The following CPEB3 variants were observed in gnomAD, a reference collection of about 807,000 sequenced individuals.
CPEB3 encodes the protein cytoplasmic polyadenylation element-binding protein 3.
In CPEB3, 20 loss-of-function variants were observed where a neutral mutation model predicts 67.2. The ratio of observed to expected loss-of-function variants is 0.30; its 90% CI spans 0.21 to 0.43. The LOEUF is 0.43. Ranked by LOEUF, CPEB3 falls within the 20% of genes least tolerant of loss-of-function variation. The pLI is 1.00. For synonymous variants in CPEB3, 376 were observed against 393.1 expected, an observed-to-expected ratio of 0.96 and a Z score of 0.51; for missense variants, 746 against 968.6, an observed-to-expected ratio of 0.77 and a Z score of 3.05.
intron 4 of CPEB3, among the ~76,000 whole-genome samples, chr10:92,168,086 G>A (rs1373474905): frequency 6.6e-6 from 1 of 151,998 alleles, no homozygotes; most frequent in Non-Finnish European, 1.5e-5. Context: ...CCACAAACTT[G>A]GAATTTATAA....
At chr10:92,086,866 G>A (rs1352356381) in intron 8 of CPEB3, among the ~76,000 whole-genome samples, 3 of 152,304 alleles carry the variant, frequency 2.0e-5, no homozygotes. Flanking sequence ...GGTGCAGAGG[G>A]AGGACACAAA....
intron 4 of CPEB3, among the ~76,000 whole-genome samples, chr10:92,161,697 A>G (rs1847490058): frequency 1.3e-5 from 2 of 149,664 alleles, no homozygotes; most frequent in Admixed American, 1.3e-4. Flanking sequence ...AATACTTCAC[A>G]TGTATCGCCC....
At chr10:92,214,445 G>C (rs1227770916) in intron 2 of CPEB3, among the ~76,000 whole-genome samples, 1 of 152,002 alleles carries the variant, frequency 6.6e-6, no homozygotes, top group African/African-American at 2.4e-5. Flanking sequence ...CCAAACTGTG[G>C]TATTTTTGTT....
chr10:92,244,409 G>T (rs1302175810), intron 1 of CPEB3, among the ~76,000 whole-genome samples: 5 of 151,578 alleles, frequency 3.3e-5, no homozygotes, highest in Non-Finnish European at 7.4e-5. Context: ...ATAAGACAAT[G>T]ACTTCTTTCT....
Position 92,258,645 on chromosome 10 carries a change from T to TATATATAC in CPEB3, c.-11-18285_-11-18284insGTATATAT, listed in dbSNP as rs1852641689. The stretch of plus-strand genomic sequence containing the variant: ...TTTTGAATATATATATATATATATA[T>TATATATAC]ATATATATATATATATATATATATA... On this transcript the variant is annotated intron_variant, in intron 1 of 9. Coordinates refer to ENST00000265997, the MANE Select transcript of CPEB3 (RefSeq NM_014912.5). Among the ~76,000 whole-genome samples, 14 of 32,576 alleles carry TATATATAC rather than the reference T, an allele frequency of 4.3e-4. 1 individual carries two copies. Among genetic ancestry groups the TATATATAC allele is most frequent in the African/African-American group, 7.9e-4 (13 of 16,400 alleles). The allele number at this position is 32,576 out of a possible 152,430, so 21.4% of individuals were successfully genotyped here.
At chr10:92,182,493 C>T (rs986936161) in intron 3 of CPEB3, among the ~76,000 whole-genome samples, 1 of 152,022 alleles carries the variant, frequency 6.6e-6, no homozygotes, top group Non-Finnish European at 1.5e-5. Context: ...CTTATTGCTC[C>T]CCAGGCTACG....
At chr10:92,184,788 A>C (rs978722223) in intron 3 of CPEB3, among the ~76,000 whole-genome samples, 3 of 152,226 alleles carry the variant, frequency 2.0e-5, no homozygotes, top group Admixed American at 1.3e-4. Flanking sequence ...TATAAAATGC[A>C]ATATATTTTC....
chr10:92,077,414 A>G (rs985085798), intron 9 of CPEB3, among the ~76,000 whole-genome samples: 1 of 152,136 alleles, frequency 6.6e-6, no homozygotes, highest in Admixed American at 6.5e-5. Context: ...TGAACAGTGA[A>G]AAAGAGCCCA....
intron 1 of CPEB3, among the ~76,000 whole-genome samples, chr10:92,284,417 C>G (rs1324990289): frequency 1.3e-5 from 2 of 152,174 alleles, no homozygotes; most frequent in Non-Finnish European, 2.9e-5. Context: ...ATTCCTTAAA[C>G]TGGCCTACAA....
chr10:92,139,094 A>G (rs561756023), intron 6 of CPEB3, among the ~76,000 whole-genome samples: 1 of 152,236 alleles, frequency 6.6e-6, no homozygotes, highest in East Asian at 1.9e-4. Flanking sequence ...CCTGACCAAC[A>G]TGAAGAAACC....
chr10:92,163,786 A>G (rs922004262), intron 4 of CPEB3, among the ~76,000 whole-genome samples: 1 of 152,228 alleles, frequency 6.6e-6, no homozygotes, highest in African/African-American at 2.4e-5. Flanking sequence ...TATAATTGAA[A>G]AGATCAATTT....
At chr10:92,100,171 G>A (rs1302031424) in intron 7 of CPEB3, among the ~76,000 whole-genome samples, 3 of 152,146 alleles carry the variant, frequency 2.0e-5, no homozygotes, top group Non-Finnish European at 4.4e-5. Context: ...TTAATTACAG[G>A]ATAAGAGAAA....
At chr10:92,185,302 G>C (rs539990381) in intron 3 of CPEB3, among the ~76,000 whole-genome samples, 1 of 152,280 alleles carries the variant, frequency 6.6e-6, no homozygotes, top group Non-Finnish European at 1.5e-5. Flanking sequence ...TAAGTTAAAT[G>C]ATGCTGTGGA....
chr10:92,100,012 C>A (rs1375579415), intron 7 of CPEB3, among the ~76,000 whole-genome samples: 2 of 151,740 alleles, frequency 1.3e-5, no homozygotes, highest in African/African-American at 2.4e-5. Flanking sequence ...AAAACCTTTT[C>A]AAAATTAGCT....
At chr10:92,132,197 T>C (rs542400315) in intron 6 of CPEB3, among the ~76,000 whole-genome samples, 6 of 152,322 alleles carry the variant, frequency 3.9e-5, no homozygotes, top group African/African-American at 1.4e-4. Context: ...AGATAAACTG[T>C]GCATTTCTTG....
chr10:92,270,644 C>G (rs1386310308), intron 1 of CPEB3, among the ~76,000 whole-genome samples: 2 of 150,396 alleles, frequency 1.3e-5, no homozygotes, highest in Admixed American at 1.3e-4. Flanking sequence ...CTCACTGCAG[C>G]CTCAACCTCC....
intron 1 of CPEB3, among the ~76,000 whole-genome samples, chr10:92,275,071 T>C (rs1841918881): frequency 6.6e-6 from 1 of 152,218 alleles, no homozygotes; most frequent in Non-Finnish European, 1.5e-5. Flanking sequence ...CCCAGGTTGA[T>C]TCTCATGCCT....
At chr10:92,195,046 A>ACACAC (rs1564855307) in intron 2 of CPEB3, among the ~76,000 whole-genome samples, 2,078 of 117,076 alleles carry the variant, frequency 0.018, 57 homozygotes, top group African/African-American at 0.053. Flanking sequence ...TGTCTCAAAA[A>ACACAC]ACACACACAC....
intron 6 of CPEB3, among the ~76,000 whole-genome samples, chr10:92,131,628 G>C (rs186598066): frequency 6.6e-6 from 1 of 152,246 alleles, no homozygotes; most frequent in East Asian, 1.9e-4. Context: ...AAAGATTGCA[G>C]GGAAGCATTT....
Sources: gnomAD v4.1 joint callset for allele counts (sites outside exome capture counted in the v4.1 genomes callset) on GRCh38, gnomAD v4.1.1 for gene constraint, MANE v1.5 for transcripts, NCBI Gene and HGNC (gene_info 2026-07-23, HGNC 2026-07-21) for gene names.